Variants in ARHGAP27 observed in about 807,000 individuals in gnomAD.
The protein encoded by ARHGAP27 is rho GTPase-activating protein 27.
Under a neutral mutation model 102.0 loss-of-function variants are expected in ARHGAP27, and 53 were observed. That is an observed-to-expected ratio of 0.52 (90% CI 0.42 to 0.65). ARHGAP27 has a LOEUF of 0.65. Among genes scored for constraint, ARHGAP27 ranks in the 30% least tolerant of loss-of-function variants. The pLI is 0.00. For missense variants in ARHGAP27, 1,117 were observed against 1,256.2 expected (o/e 0.89, Z 1.68); for synonymous variants, 525 against 542.8 (o/e 0.97, Z 0.46).
chr17:45,426,376 G>T (rs1308823527), intron 4 of ARHGAP27, among the ~76,000 whole-genome samples: 1 of 152,044 alleles, frequency 6.6e-6, no homozygotes, highest in Non-Finnish European at 1.5e-5. Flanking sequence ...ACCACACTTT[G>T]TCCCCAGTGT....
rs147589670 is a variant in ARHGAP27, at chr17:45,396,569, G to A, written c.2091C>T (p.Cys697=). The A allele has an allele frequency of 4.4e-6, 7 of 1,604,642 alleles. No homozygotes were observed. The highest frequency in any genetic ancestry group is 4.2e-6 in the Non-Finnish European group (5 of 1,177,814). Residue 697 remains cysteine (C), a synonymous_variant, in exon 16 of 20, where the codon TGC becomes TGT. Transcript: ENST00000685559. ...CGCGCTCACACAGCGCGGCCAGCGC[G>A]CAGCCGAACACCTGGTCTAGGGCAG... is the stretch of plus-strand genomic sequence containing the variant. ...KGYIKDQVFG[C]ALAALCERER...
intron 12 of ARHGAP27, among the ~76,000 whole-genome samples, chr17:45,402,049 T>C (rs1285968738): frequency 6.6e-6 from 1 of 152,200 alleles, no homozygotes; most frequent in Admixed American, 6.5e-5. Flanking sequence ...GGGTGTGGCA[T>C]TGGGAGTACC....
chr17:45,403,954 G>T (rs917460426), intron 10 of ARHGAP27, 75 bp downstream of exon 10: 7 of 1,489,684 alleles, frequency 4.7e-6, no homozygotes, highest in Non-Finnish European at 6.5e-6. Context: ...TAAGAGCCTG[G>T]CATACAGGAA....
At chr17:45,418,873 A>G (rs1372924923) in intron 4 of ARHGAP27, among the ~76,000 whole-genome samples, 2 of 152,178 alleles carry the variant, frequency 1.3e-5, no homozygotes, top group Non-Finnish European at 2.9e-5. Context: ...CTCTACCCGT[A>G]AGGCCAGGGC....
Position 45,402,671 on chromosome 17 carries a change from T to A in ARHGAP27, c.1743+43A>T, listed in dbSNP as rs756899844. ...ATAGTTGTCAGAGAGCTGGCAGGCA[T>A]CACTAAGCCCCTTCCCTCCTTCTCC... On this transcript the variant is annotated intron_variant, in intron 12 of 19. Coordinates refer to ENST00000685559, the MANE Select transcript of ARHGAP27 (RefSeq NM_001282290.2). 3.9e-6 allele frequency: 6 copies of A among 1,534,410 alleles called. No homozygotes were observed. The South Asian group carries it at 4.5e-5, about 12-fold the overall frequency.
At chr17:45,424,779 C>T (rs545806955) in intron 4 of ARHGAP27, among the ~76,000 whole-genome samples, 3 of 152,222 alleles carry the variant, frequency 2.0e-5, no homozygotes, top group East Asian at 1.9e-4. Flanking sequence ...AACTTATTCA[C>T]GTAACCAAAC....
At chr17:45,400,675 G>A (rs2046332952) in intron 12 of ARHGAP27, among the ~76,000 whole-genome samples, 1 of 152,100 alleles carries the variant, frequency 6.6e-6, no homozygotes. Context: ...AGCACTTTGG[G>A]AGGCCAAGGC....
rs1305275954 is a variant in ARHGAP27 at position 45,396,993 on chromosome 17, C to T, written c.1874G>A (p.Ser625Asn). 1.9e-6 allele frequency: 3 copies of T among 1,604,610 alleles called. No homozygotes were observed. Among genetic ancestry groups the T allele is most frequent in the South Asian group, 2.2e-5 (2 of 91,094 alleles). ...SAELPPEESE[S>N]SRVDFGSSER... is the part of the protein sequence containing the mutation. ...GCTCGACCCGAAGTCCACTCTGCTG[C>T]TCTCGCTCTCCTCTGGGGGCAGCTC... Residue 625 changes from serine (S) to asparagine (N), a missense_variant, in exon 14 of 20, where the codon AGC (serine) becomes AAC (asparagine). Ser to Asn is a conservative substitution (Grantham distance 46, BLOSUM62 1). Transcript: ENST00000685559.
chr17:45,422,285 G>T (rs765876458), intron 4 of ARHGAP27, among the ~76,000 whole-genome samples: 11 of 151,416 alleles, frequency 7.3e-5, no homozygotes, highest in Non-Finnish European at 1.3e-4. Context: ...ATGGTGGCAC[G>T]TGGGCCATGT....
chr17:45,424,962 C>T (rs2049417004), intron 4 of ARHGAP27, among the ~76,000 whole-genome samples: 2 of 147,274 alleles, frequency 1.4e-5, no homozygotes, highest in Non-Finnish European at 3.0e-5. Context: ...GAGCCAGGCA[C>T]AGGCTCCAGC....
rs2049940773 is a variant in ARHGAP27, at chr17:45,430,076, G to A, written c.204C>T (p.Pro68=). ...YLPAQYVREL[P]ALGNPAAAAP... is the part of the protein sequence containing the mutation. ...CGGCGGCGGCAGGGTTGCCCAGCGC[G>A]GGCAGCTCGCGCACGTACTGCGCAG... The change falls in exon 4 of 20, where the codon CCC becomes CCT. Residue 68 remains proline (P), a synonymous_variant. Transcript: ENST00000685559. The surrounding 1 kb of genome is among the most constrained non-coding windows in gnomAD (Gnocchi z 4.4). 7.2e-7 allele frequency: 1 copy of A among 1,380,768 alleles called. No homozygotes were observed. The highest frequency in any genetic ancestry group is 1.6e-5 in the South Asian group (1 of 63,538). The allele number at this position is 1,380,768 out of a possible 1,614,324, so 85.5% of individuals were successfully genotyped here.
chr17:45,422,863 C>T (rs1221798723), intron 4 of ARHGAP27, among the ~76,000 whole-genome samples: 1 of 152,096 alleles, frequency 6.6e-6, no homozygotes, highest in Non-Finnish European at 1.5e-5. Context: ...GCAGATAGTA[C>T]CTTATATCCC....
intron 5 of ARHGAP27, 93 bp from the exon 6 acceptor site, chr17:45,405,199 T>G: frequency 7.3e-7 from 1 of 1,371,638 alleles, no homozygotes; most frequent in Non-Finnish European, 9.8e-7. Context: ...CCTTGCCTTC[T>G]GGTCCCTGAG....
rs1597857889 is a variant in ARHGAP27, at chr17:45,422,395, C to T, written c.657+7228G>A. The stretch of plus-strand genomic sequence containing the variant: ...TCACACCACTGCACTCCAACCTGGG[C>T]AACAGAGGGAGACCCTATCTCAAAC... On this transcript the variant is annotated intron_variant, in intron 4 of 19. Transcript: ENST00000685559. 3.9e-5 allele frequency among the ~76,000 whole-genome samples: 6 copies of T among 151,954 alleles called. No individual in the cohort carries two copies. The South Asian group carries it at 1.2e-3, about 32-fold the overall frequency.
chr17:45,430,673 C>T lies in ARHGAP27; in HGVS notation c.-18-376G>A, dbSNP rs1262878607. Among the ~76,000 whole-genome samples the T allele has an allele frequency of 1.3e-5, 2 of 152,186 alleles. No homozygotes were observed. Among genetic ancestry groups the T allele is most frequent in the Non-Finnish European group, 2.9e-5 (2 of 68,034 alleles). On this transcript the variant is annotated intron_variant, in intron 3 of 19. Transcript: ENST00000685559. The surrounding 1 kb of genome is among the most constrained non-coding windows in gnomAD (Gnocchi z 4.4). ...ACCACGCTTGCTTAATAGTTGACTG[C>T]GCCTTAGTTTTCCGTCAGTCAAGTA...
In ARHGAP27 at chr17:45,427,106, C is replaced by T. The variant is rs567139122; in HGVS notation, c.657+2517G>A. On this transcript the variant is annotated intron_variant, in intron 4 of 19. Coordinates refer to ENST00000685559, the MANE Select transcript of ARHGAP27 (RefSeq NM_001282290.2). The surrounding 1 kb of genome is among the most constrained non-coding windows in gnomAD (Gnocchi z 4.5). ...CTAGAACTCAACCTGATTTCCCTCC[C>T]ACCTCCCTCGGCCCCCAGACCCTGC... Among the ~76,000 whole-genome samples, 3 of 152,098 alleles carry T rather than the reference C, an allele frequency of 2.0e-5. No homozygotes were observed. Among genetic ancestry groups the T allele is most frequent in the African/African-American group, 4.8e-5 (2 of 41,402 alleles).
At chr17:45,408,923 T>C (rs577120100) in intron 4 of ARHGAP27, 3 of 152,424 alleles carry the variant, frequency 2.0e-5, no homozygotes, top group African/African-American at 7.2e-5. Flanking sequence ...ATAATGTAGC[T>C]GATTCCATTT....
rs1402542616 is a variant in ARHGAP27, at chr17:45,416,179, G to A, written c.658-10096C>T. ...TCCTGCCTCAGCTTCCCGAGTAGCT[G>A]GGACTACAGGCGCACGCCACCAGGC... On this transcript the variant is annotated intron_variant, in intron 4 of 19. Transcript: ENST00000685559. 3.3e-5 allele frequency among the ~76,000 whole-genome samples: 5 copies of A among 151,824 alleles called. No individual in the cohort carries two copies. In the East Asian group the frequency reaches 9.7e-4, roughly 29 times the overall value.
chr17:45,403,559 T>A (rs1280057479), intron 11 of ARHGAP27, 60 bp downstream of exon 11: 17 of 1,384,142 alleles, frequency 1.2e-5, no homozygotes, highest in East Asian at 6.9e-5. Flanking sequence ...TCAAAAAAAA[T>A]AAAAATAAAA....
Sources: allele counts gnomAD v4.1 joint callset (sites outside exome capture counted in the v4.1 genomes callset), GRCh38; gene constraint gnomAD v4.1.1; non-coding constraint Gnocchi (gnomAD v3.1); transcripts MANE v1.5; gene names NCBI Gene and HGNC (gene_info 2026-07-23, HGNC 2026-07-21).